TNN: variants seen among roughly 807,000 people sequenced by gnomAD.
TNN encodes the protein tenascin-N.
A neutral mutation model predicts 134.4 loss-of-function variants in TNN; 122 were observed. That is an observed-to-expected ratio of 0.91 (90% CI 0.78 to 1.06). The LOEUF (loss-of-function observed/expected upper bound fraction) is 1.06, where lower values mean the gene tolerates loss of function less well. TNN is among the 50% of genes least tolerant of loss of function. The pLI, the probability that TNN is intolerant of heterozygous loss-of-function variation, is 0.00. For synonymous variants in TNN, 710 were observed against 670.3 expected (o/e 1.06, Z -0.91); for missense variants, 1,739 against 1,699.4 (o/e 1.02, Z -0.41).
chr1:175,101,271 C>G (rs967080031), intron 9 of TNN, among the ~76,000 whole-genome samples: 6 of 151,944 alleles, frequency 3.9e-5, no homozygotes, highest in African/African-American at 1.5e-4. Flanking sequence ...AGCTGCAGAC[C>G]TTCGCGGTGA....
intron 6 of TNN, among the ~76,000 whole-genome samples, chr1:175,091,892 G>A (rs568743683): frequency 1.3e-5 from 2 of 152,234 alleles, no homozygotes; most frequent in Admixed American, 6.5e-5. Context: ...GCCTGGCTAT[G>A]ATATATTTTT....
In TNN at chr1:175,069,878, C is replaced by A. The variant is rs115249920; in HGVS notation, c.-36+1943C>A. Among the ~76,000 whole-genome samples, 743 of 152,320 alleles carry A rather than the reference C, an allele frequency of 4.9e-3. 4 individuals carry two copies. The highest frequency in any genetic ancestry group is 7.6e-3 in the Non-Finnish European group (520 of 68,026). On this transcript the variant is annotated intron_variant, in intron 1 of 18. Transcript: ENST00000239462. ...TCTCCTCCTTGCTAGAAGACTGGAA[C>A]TTTAAAGTTACTTCAATATGTGGAA...
chr1:175,115,681 C>G (rs141666792), intron 9 of TNN, among the ~76,000 whole-genome samples: 1 of 152,090 alleles, frequency 6.6e-6, no homozygotes, highest in Non-Finnish European at 1.5e-5. Flanking sequence ...GACACCAAGA[C>G]GGTGTAGTAC....
At chr1:175,085,361 T>C in intron 5 of TNN, 44 bp from the exon 6 acceptor site, 1 of 1,248,868 alleles carries the variant, frequency 8.0e-7, no homozygotes, top group South Asian at 1.2e-5. Flanking sequence ...GGGAGAGGGG[T>C]CTGGAGCCTG....
In TNN at chr1:175,128,043, G is replaced by A. The variant is rs1393373520; in HGVS notation, c.3057G>A (p.Leu1019=). 1 of 1,614,072 alleles carries A rather than the reference G, an allele frequency of 6.2e-7. No homozygotes were observed. Among genetic ancestry groups the A allele is most frequent in the African/African-American group, 1.3e-5 (1 of 74,926 alleles). ...FPDGTVKEMQ[L]GREDQRFALQ... ...CCCTTGTTTGGTAGGAGATGCAGCT[G>A]GGACGGGAAGACCAGAGGTTTGCGT... The change falls in exon 14 of 19, where the codon CTG becomes CTA. Residue 1019 remains leucine (L), a synonymous_variant. Coordinates refer to ENST00000239462, the MANE Select transcript of TNN (RefSeq NM_022093.2).
chr1:175,084,277 T>A (rs548433351), intron 5 of TNN, among the ~76,000 whole-genome samples: 1 of 152,116 alleles, frequency 6.6e-6, no homozygotes, highest in East Asian at 1.9e-4. Context: ...ACTTTAGTAT[T>A]TGGGTGTTGG....
chr1:175,106,660 A>G (rs532145328), intron 9 of TNN, among the ~76,000 whole-genome samples: 2 of 146,428 alleles, frequency 1.4e-5, no homozygotes, highest in African/African-American at 2.5e-5. Flanking sequence ...GTCAGGATAG[A>G]TAGGATAGAT....
At chr1:175,112,571 T>A (rs1017783580) in intron 9 of TNN, among the ~76,000 whole-genome samples, 2 of 145,874 alleles carry the variant, frequency 1.4e-5, no homozygotes, top group Non-Finnish European at 3.0e-5. Flanking sequence ...TGGGTCATTT[T>A]TTTAAAGATC....
At position 175,098,189 on chromosome 1, in the gene TNN, T is replaced by A. The variant is rs185792454; in HGVS notation, c.1856-143T>A. On this transcript the variant is annotated intron_variant, in intron 8 of 18. Transcript: ENST00000239462. ...TCAGAACCAAGGGCTACTTTCTCCT[T>A]AGACTCCCAGCGGAGACTCAGGATG... 6.6e-5 allele frequency: 80 copies of A among 1,205,652 alleles called. No homozygotes were observed. The Middle Eastern group carries it at 1.0e-3, about 15-fold the overall frequency. The allele number at this position is 1,205,652 out of a possible 1,614,324, so 74.7% of individuals were successfully genotyped here.
At chr1:175,102,240 C>G (rs990409115) in intron 9 of TNN, among the ~76,000 whole-genome samples, 3 of 146,426 alleles carry the variant, frequency 2.0e-5, no homozygotes, top group Non-Finnish European at 4.6e-5. Context: ...TGGCTTCACC[C>G]AGTGGATCCC....
chr1:175,098,091 C>T (rs1181407998), intron 8 of TNN, among the ~76,000 whole-genome samples: 3 of 152,176 alleles, frequency 2.0e-5, no homozygotes, highest in South Asian at 4.1e-4. Flanking sequence ...GAGAAGACAT[C>T]GTTCCTCCAA....
chr1:175,130,780 A>G (rs569082082), intron 15 of TNN, among the ~76,000 whole-genome samples: 2 of 152,304 alleles, frequency 1.3e-5, no homozygotes, highest in African/African-American at 4.8e-5. Flanking sequence ...CCTGCCCCCA[A>G]GGAGCTTGCC....
chr1:175,144,104 T>TTA (rs907360246), intron 17 of TNN, among the ~76,000 whole-genome samples: 6 of 152,104 alleles, frequency 3.9e-5, no homozygotes, highest in Non-Finnish European at 1.5e-5. Flanking sequence ...GGGAGAGTTG[T>TTA]TATGTTTGGA....
intron 1 of TNN, among the ~76,000 whole-genome samples, chr1:175,068,407 A>T (rs2149423618): frequency 6.6e-6 from 1 of 152,258 alleles, no homozygotes; most frequent in African/African-American, 2.4e-5. Context: ...ATGATTAGGA[A>T]GCTATGATAA....
At chr1:175,096,245 G>A (rs186281301) in intron 7 of TNN, among the ~76,000 whole-genome samples, 18 of 152,356 alleles carry the variant, frequency 1.2e-4, no homozygotes, top group Non-Finnish European at 1.8e-4. Flanking sequence ...GTGGGAGTTA[G>A]CAGTGGAGGC....
At chr1:175,145,661 T>A (rs1009620634) in intron 18 of TNN, among the ~76,000 whole-genome samples, 3 of 148,680 alleles carry the variant, frequency 2.0e-5, no homozygotes, top group African/African-American at 7.4e-5. Flanking sequence ...ACCCAAAACC[T>A]TCCCAGAACA....
In TNN at chr1:175,147,065, G is replaced by A. The variant is rs148925675; in HGVS notation, c.3894G>A (p.Thr1298=). 1.3e-6 allele frequency: 2 copies of A among 1,577,876 alleles called. No individual in the cohort carries two copies. Among genetic ancestry groups the A allele is most frequent in the African/African-American group, 2.7e-5 (2 of 73,268 alleles). ...KKRTLRGRLR[T]F Reference sequence around the variant, plus strand: ...GGACGCTGAGAGGAAGGCTGCGAACGTTCTGATGGCCCGTGTGAGCAGTCC... The same window carrying A: ...GGACGCTGAGAGGAAGGCTGCGAACATTCTGATGGCCCGTGTGAGCAGTCC... The change falls in exon 19 of 19, where the codon ACG becomes ACA. Residue 1298 remains threonine, a synonymous_variant. Coordinates refer to ENST00000239462, the MANE Select transcript of TNN (RefSeq NM_022093.2).
chr1:175,093,963 T>G (rs751533258), intron 6 of TNN, 27 bp from the exon 7 acceptor site: 1 of 1,576,442 alleles, frequency 6.3e-7, no homozygotes, highest in Non-Finnish European at 8.7e-7. Context: ...TTTCTCTGAT[T>G]TTTCTTTCTC....
intron 9 of TNN, among the ~76,000 whole-genome samples, chr1:175,111,135 C>T (rs1230855592): frequency 2.6e-5 from 4 of 152,040 alleles, no homozygotes; most frequent in East Asian, 1.9e-4. Flanking sequence ...CTGGCCAACA[C>T]GGTGAAACTC....
Sources: allele counts gnomAD v4.1 joint callset (sites outside exome capture counted in the v4.1 genomes callset), GRCh38; gene constraint gnomAD v4.1.1; transcripts MANE v1.5; gene names NCBI Gene and HGNC (gene_info 2026-07-23, HGNC 2026-07-21).